OR51L1: variants seen among roughly 807,000 people sequenced by gnomAD.
OR51L1 encodes olfactory receptor family 51 subfamily L member 1.
In OR51L1, 1 loss-of-function variant was observed where a neutral mutation model predicts 1.4. The observed-to-expected ratio is 0.72, with a 90% CI of 0.26 to 3.42. The LOEUF (loss-of-function observed/expected upper bound fraction) is 3.42. Among genes scored for constraint, OR51L1 ranks in the 30% most tolerant of loss-of-function variants. The probability of loss-of-function intolerance (pLI) is 0.20; values close to 1 mark genes in which losing one functional copy is unlikely to be tolerated. For synonymous variants in OR51L1, 156 were observed against 144.2 expected (o/e 1.08, Z -0.59); for missense variants, 378 against 380.0 (o/e 0.99, Z 0.04).
rs10837108 is a variant in OR51L1 at position 4,998,887 on chromosome 11, C to G, written c.-96C>G. The stretch of plus-strand genomic sequence containing the variant: ...TAGACGAAAGATGTATTTTTGTCCT[C>G]ATTCCATTATTTGTACTCAAAAGAG... On this transcript the variant is annotated 5_prime_UTR_variant, in exon 3 of 3. Coordinates refer to ENST00000641819, the MANE Select transcript of OR51L1 (RefSeq NM_001004755.2). The G allele has an allele frequency of 0.28, 368,779 of 1,340,128 alleles. 52,779 individuals are homozygous for G. The highest frequency in any genetic ancestry group is 0.34 in the African/African-American group (23,072 of 68,052). The allele number at this position is 1,340,128 out of a possible 1,614,324, so 83.0% of individuals were successfully genotyped here.
Position 4,999,863 on chromosome 11 carries a change from A to G in OR51L1, c.881A>G (p.Tyr294Cys), listed in dbSNP as rs780336297. 5.6e-6 allele frequency: 9 copies of G among 1,613,834 alleles called. No homozygotes were observed. Among genetic ancestry groups the G allele is most frequent in the African/African-American group, 2.7e-5 (2 of 74,906 alleles). The change falls in exon 3 of 3, where the codon TAT becomes TGT. Residue 294 changes from tyrosine to cysteine, a missense_variant. Coordinates refer to ENST00000641819, the MANE Select transcript of OR51L1 (RefSeq NM_001004755.2). ...CCCCCAGTCCTTAACCCTATTGTCT[A>G]TAGTGTCAGAACAAAGCAGATTCGT... ...LLPPVLNPIVYSVRTKQIRLG... is the reference protein window; with the variant it reads ...LLPPVLNPIVCSVRTKQIRLG...
chr11:4,996,376 G>C (rs1048048454), intron 1 of OR51L1, among the ~76,000 whole-genome samples: 2 of 151,918 alleles, frequency 1.3e-5, no homozygotes, highest in Admixed American at 1.3e-4. Context: ...AATTAATAGG[G>C]ATTACAAACA....
chr11:4,999,357 T>G lies in OR51L1; in HGVS notation c.375T>G (p.Phe125Leu). ...SVLLAMAFDR[F>L]VAICHPLHYP... is the part of the protein sequence containing the mutation. The stretch of plus-strand genomic sequence containing the variant: ...TGCTGGCCATGGCCTTTGACCGTTT[T>G]GTTGCTATCTGCCATCCACTGCACT... The change falls in exon 3 of 3, where the codon TTT becomes TTG. Residue 125 changes from phenylalanine (F) to leucine (L), a missense_variant. Physicochemically the swap from Phe to Leu is conservative, Grantham distance 22. Transcript: ENST00000641819. The G allele has an allele frequency of 1.2e-6, 2 of 1,614,164 alleles. No homozygotes were observed. Among genetic ancestry groups the G allele is most frequent in the Non-Finnish European group, 1.7e-6 (2 of 1,180,032 alleles).
At position 4,999,392 on chromosome 11, in the gene OR51L1, T is replaced by A. The variant is rs750633536; in HGVS notation, c.410T>A (p.Ile137Asn). 4 of 1,614,122 alleles carry A rather than the reference T, an allele frequency of 2.5e-6. No homozygotes were observed. The highest frequency in any genetic ancestry group is 1.1e-5 in the South Asian group (1 of 91,084). The stretch of plus-strand genomic sequence containing the variant: ...TGCCATCCACTGCACTACCCCACCA[T>A]CCTCACCAACAGTGTAATTGGCAAA... ...AICHPLHYPT[I>N]LTNSVIGKIG... Residue 137 changes from isoleucine to asparagine, a missense_variant, in exon 3 of 3, where the codon ATC becomes AAC. Ile to Asn is a moderately radical substitution (Grantham distance 149, BLOSUM62 -3). Coordinates refer to ENST00000641819, the MANE Select transcript of OR51L1 (RefSeq NM_001004755.2).
chr11:4,999,660 T>G lies in OR51L1; in HGVS notation c.678T>G (p.Thr226=). Residue 226 remains threonine (T), a synonymous_variant, in exon 3 of 3, where the codon ACT becomes ACG. Transcript: ENST00000641819. ...ILLSYVLILN[T]VLDIASREEQ... Reference sequence around the variant, plus strand: ...TTTCTTATGTTCTGATTCTTAATACTGTGCTGGATATTGCATCTCGTGAAG... The same window carrying G: ...TTTCTTATGTTCTGATTCTTAATACGGTGCTGGATATTGCATCTCGTGAAG... The G allele has an allele frequency of 6.2e-7, 1 of 1,614,090 alleles. No individual in the cohort carries two copies. Among genetic ancestry groups the G allele is most frequent in the Non-Finnish European group, 8.5e-7 (1 of 1,179,982 alleles).
At position 4,999,523 on chromosome 11, in the gene OR51L1, T is replaced by G. The variant is rs1165918380; in HGVS notation, c.541T>G (p.Cys181Gly). 6.2e-7 allele frequency: 1 copy of G among 1,613,940 alleles called. No homozygotes were observed. The highest frequency in any genetic ancestry group is 2.2e-5 in the East Asian group (1 of 44,864). ...TGGCAATGCCCTCTCTCACGCCTTC[T>G]GTTTGCACCAGGATGTTCTAAGATT... ...CHGNALSHAF[C>G]LHQDVLRLSC... The change falls in exon 3 of 3, where the codon TGT becomes GGT. Residue 181 changes from cysteine (C) to glycine (G), a missense_variant. By Grantham distance (159) the Cys-to-Gly change is radical (BLOSUM62 -3). Transcript: ENST00000641819.
rs1847096790 is a variant in OR51L1, at chr11:4,998,893, A to G, written c.-90A>G. 2.1e-6 allele frequency: 3 copies of G among 1,400,124 alleles called. No homozygotes were observed. Among genetic ancestry groups the G allele is most frequent in the Admixed American group, 4.3e-5 (2 of 46,206 alleles). 86.7% of individuals were successfully genotyped at this position (1,400,124 alleles called of 1,614,324 possible). A position where few individuals can be genotyped will look rare whatever the true frequency, so the allele number is the denominator to read the frequency against. On this transcript the variant is annotated 5_prime_UTR_variant, in exon 3 of 3. Transcript: ENST00000641819. ...AAAGATGTATTTTTGTCCTCATTCC[A>G]TTATTTGTACTCAAAAGAGATAACT...
Position 4,999,166 on chromosome 11 carries a change from T to C in OR51L1, c.184T>C (p.Tyr62His). 6.2e-7 allele frequency: 1 copy of C among 1,613,970 alleles called. No homozygotes were observed. Among genetic ancestry groups the C allele is most frequent in the Non-Finnish European group, 8.5e-7 (1 of 1,179,810 alleles). Residue 62 changes from tyrosine (Y) to histidine (H), a missense_variant, in exon 3 of 3, where the codon TAT (tyrosine) becomes CAT (histidine). Tyr to His is a moderately conservative substitution (Grantham distance 83). Coordinates refer to ENST00000641819, the MANE Select transcript of OR51L1 (RefSeq NM_001004755.2). ...WIESSLHQPM[Y>H]YFISILAVND... ...AGAATCCTCTCTCCATCAGCCCATG[T>C]ATTACTTTATTTCCATCTTAGCAGT...
In OR51L1 at chr11:4,999,660, T is replaced by A. The variant is rs774541479; in HGVS notation, c.678T>A (p.Thr226=). 3 of 1,613,972 alleles carry A rather than the reference T, an allele frequency of 1.9e-6. No homozygotes were observed. Among genetic ancestry groups the A allele is most frequent in the Non-Finnish European group, 2.5e-6 (3 of 1,179,990 alleles). The part of the protein sequence containing the change: ...ILLSYVLILN[T]VLDIASREEQ... ...TTTCTTATGTTCTGATTCTTAATAC[T>A]GTGCTGGATATTGCATCTCGTGAAG... Residue 226 remains threonine (T), a synonymous_variant, in exon 3 of 3, where the codon ACT becomes ACA. Transcript: ENST00000641819.
intron 1 of OR51L1, among the ~76,000 whole-genome samples, chr11:4,995,934 G>A (rs1006729129): frequency 1.3e-5 from 2 of 152,046 alleles, no homozygotes; most frequent in Non-Finnish European, 2.9e-5. Context: ...GGGGCTTAGG[G>A]GGCCCGGGTA....
In OR51L1 at chr11:4,999,006, T is replaced by A; in HGVS notation, c.24T>A (p.Asp8Glu). Residue 8 changes from aspartate (D) to glutamate (E), a missense_variant, in exon 3 of 3, where the codon GAT (aspartate) becomes GAA (glutamate). Transcript: ENST00000641819. ...CTATGGGAGACTGGAATAACAGTGATGCTGTGGAGCCCATATTTATCCTGA... is the reference window on the plus strand; with the variant it reads ...CTATGGGAGACTGGAATAACAGTGAAGCTGTGGAGCCCATATTTATCCTGA... The part of the protein sequence containing the change: MGDWNNS[D>E]AVEPIFILRG... The A allele has an allele frequency of 5.0e-6, 8 of 1,613,930 alleles. No homozygotes were observed. The highest frequency in any genetic ancestry group is 6.8e-6 in the Non-Finnish European group (8 of 1,179,854).
chr11:4,997,775 G>A (rs538420803), intron 2 of OR51L1, among the ~76,000 whole-genome samples, 192 bp downstream of exon 2: 1 of 152,140 alleles, frequency 6.6e-6, no homozygotes, highest in Non-Finnish European at 1.5e-5. Flanking sequence ...CAATTGCTGA[G>A]GGAAAGTAAA....
chr11:4,995,354 A>T lies in OR51L1; in HGVS notation c.-262+19A>T, dbSNP rs539312703. 6 of 152,244 alleles carry T rather than the reference A, an allele frequency of 3.9e-5. No homozygotes were observed. In the South Asian group the frequency reaches 1.2e-3, roughly 32 times the overall value. 9.4% of individuals were successfully genotyped at this position (152,244 alleles called of 1,614,324 possible). On this transcript the variant is annotated intron_variant, in intron 1 of 2. Coordinates refer to ENST00000641819, the MANE Select transcript of OR51L1 (RefSeq NM_001004755.2). The stretch of plus-strand genomic sequence containing the variant: ...ATTTCAGGTAAGTGTGAATTTTTAA[A>T]TTATAAATAGTTGGTAGATTTTAGC...
At chr11:4,996,947 T>C (rs1474870931) in intron 1 of OR51L1, among the ~76,000 whole-genome samples, 2 of 152,060 alleles carry the variant, frequency 1.3e-5, no homozygotes, top group African/African-American at 2.4e-5. Context: ...GCTAGTGATA[T>C]GGAAGACTGG....
In OR51L1 at chr11:5,002,340, T is replaced by C. The variant is rs1174478864; in HGVS notation, c.*2410T>C. 1.3e-5 allele frequency: 2 copies of C among 152,180 alleles called. No homozygotes were observed. Among genetic ancestry groups the C allele is most frequent in the Non-Finnish European group, 2.9e-5 (2 of 68,024 alleles). The allele number at this position is 152,180 out of a possible 1,614,324, so 9.4% of individuals were successfully genotyped here. A position where few individuals can be genotyped will look rare whatever the true frequency, so the allele number is the denominator to read the frequency against. ...GGTATTCTAGAAAGAGGAGGTAACA[T>C]GAAGAAAGCAAAGAGGTTAGAAAGA... On this transcript the variant is annotated 3_prime_UTR_variant, in exon 3 of 3. Coordinates refer to ENST00000641819, the MANE Select transcript of OR51L1 (RefSeq NM_001004755.2).
At chr11:4,996,513 G>A (rs987886161) in intron 1 of OR51L1, among the ~76,000 whole-genome samples, 1 of 152,042 alleles carries the variant, frequency 6.6e-6, no homozygotes, top group Non-Finnish European at 1.5e-5. Context: ...CTAAAGAGTA[G>A]TGATCCACTT....
chr11:5,001,865 C>G lies in OR51L1; in HGVS notation c.*1935C>G. 1 of 152,016 alleles carries G rather than the reference C, an allele frequency of 6.6e-6. No homozygotes were observed. Among genetic ancestry groups the G allele is most frequent in the Non-Finnish European group, 1.5e-5 (1 of 68,002 alleles). The allele number at this position is 152,016 out of a possible 1,614,324, so 9.4% of individuals were successfully genotyped here. A position where few individuals can be genotyped will look rare whatever the true frequency, so the allele number is the denominator to read the frequency against. On this transcript the variant is annotated 3_prime_UTR_variant, in exon 3 of 3. Transcript: ENST00000641819. ...GCTGTTAGTACTGTGGATATATAAA[C>G]AGCAAAATGCATAACGTTAATGTTA...
Position 4,999,229 on chromosome 11 carries a change from A to G in OR51L1, c.247A>G (p.Met83Val), listed in dbSNP as rs1176452446. The change falls in exon 3 of 3, where the codon ATG (methionine) becomes GTG (valine). Residue 83 changes from methionine (M) to valine (V), a missense_variant. Met to Val is a conservative substitution (Grantham distance 21). Coordinates refer to ENST00000641819, the MANE Select transcript of OR51L1 (RefSeq NM_001004755.2). ...LGMSLSTLPT[M>V]LAVLWLDAPE... ...GATGTCCCTGTCTACACTTCCCACC[A>G]TGCTTGCTGTGTTATGGTTGGATGC... is the stretch of plus-strand genomic sequence containing the variant. 1 of 1,614,142 alleles carries G rather than the reference A, an allele frequency of 6.2e-7. No individual in the cohort carries two copies.
intron 2 of OR51L1, among the ~76,000 whole-genome samples, chr11:4,998,410 C>G (rs1243563408): frequency 6.6e-6 from 1 of 151,804 alleles, no homozygotes; most frequent in Non-Finnish European, 1.5e-5. Flanking sequence ...TGTTCATGCT[C>G]TCTTTTCATA....
Sources: allele counts gnomAD v4.1 joint callset (sites outside exome capture counted in the v4.1 genomes callset), GRCh38; gene constraint gnomAD v4.1.1; transcripts MANE v1.5; gene names NCBI Gene and HGNC (gene_info 2026-07-23, HGNC 2026-07-21).